Variants in TCF12 observed in about 807,000 individuals in gnomAD.
TCF12 encodes the protein DNA-binding protein HTF4.
In TCF12, 45 loss-of-function variants were observed where a neutral mutation model predicts 86.0. That is an observed-to-expected ratio of 0.52 (90% CI 0.41 to 0.67). The LOEUF is 0.67. Among genes scored for constraint, TCF12 ranks in the 30% least tolerant of loss-of-function variants. The pLI is 0.00. For synonymous variants in TCF12, 330 were observed against 299.6 expected (o/e 1.10, Z -1.05); for missense variants, 881 against 859.9 (o/e 1.02, Z -0.31).
intron 5 of TCF12, among the ~76,000 whole-genome samples, chr15:57,095,618 G>A (rs548485813): frequency 6.6e-6 from 1 of 152,170 alleles, no homozygotes; most frequent in East Asian, 1.9e-4. Flanking sequence ...ACCCTTAATT[G>A]TGTTCCTTTC....
At chr15:56,936,232 C>T (rs1377652903) in intron 3 of TCF12, among the ~76,000 whole-genome samples, 2 of 151,924 alleles carry the variant, frequency 1.3e-5, no homozygotes, top group East Asian at 1.9e-4. Flanking sequence ...TGATCATTAG[C>T]GATGTTGAGC....
chr15:57,142,149 T>G (rs1804630578), intron 5 of TCF12, among the ~76,000 whole-genome samples: 1 of 152,142 alleles, frequency 6.6e-6, no homozygotes, highest in Admixed American at 6.5e-5. Flanking sequence ...GTTGGCTATA[T>G]ACAGGGGAAT....
At chr15:57,290,318 G>A (rs2062056051), downstream of TCF12, among the ~76,000 whole-genome samples, 1 of 147,796 alleles carries the variant, frequency 6.8e-6, no homozygotes, top group South Asian at 2.2e-4. Context: ...ATTCCAGCCA[G>A]GGGAACAAGA....
At chr15:57,089,332 A>G (rs2048840879) in intron 4 of TCF12, among the ~76,000 whole-genome samples, 1 of 152,140 alleles carries the variant, frequency 6.6e-6, no homozygotes, top group Non-Finnish European at 1.5e-5. Context: ...AATCTCAGTA[A>G]ATAGGTATTG....
intron 5 of TCF12, among the ~76,000 whole-genome samples, chr15:57,122,114 A>AAC (rs1284120518): frequency 2.7e-4 from 40 of 148,632 alleles, no homozygotes; most frequent in Admixed American, 1.3e-3. Context: ...AAAAAAAAAA[A>AAC]CCACCCCCAA....
At chr15:57,122,960 A>G (rs762108377) in intron 5 of TCF12, among the ~76,000 whole-genome samples, 11 of 152,242 alleles carry the variant, frequency 7.2e-5, no homozygotes, top group Non-Finnish European at 1.2e-4. Context: ...AAATAATTTA[A>G]TGGAAAGGGG....
chr15:57,260,482 CTGT>C (rs1407925636), intron 16 of TCF12, among the ~76,000 whole-genome samples: 2 of 152,054 alleles, frequency 1.3e-5, no homozygotes, highest in Admixed American at 6.6e-5. Context: ...TTTTAGAAGG[CTGT>C]TTTTTAAATT....
chr15:57,048,338 T>G (rs905749704), intron 3 of TCF12, among the ~76,000 whole-genome samples: 2 of 152,182 alleles, frequency 1.3e-5, no homozygotes, highest in African/African-American at 4.8e-5. Flanking sequence ...CTCGGCTCAC[T>G]GTAAGCTCCG....
intron 5 of TCF12, among the ~76,000 whole-genome samples, chr15:57,122,917 A>G (rs1567467048): frequency 6.6e-6 from 1 of 152,240 alleles, no homozygotes; most frequent in African/African-American, 2.4e-5. Flanking sequence ...AAAATAGATA[A>G]GCAGAGCAGA....
At chr15:57,256,727 A>G (rs773240670) in intron 16 of TCF12, among the ~76,000 whole-genome samples, 4 of 152,128 alleles carry the variant, frequency 2.6e-5, no homozygotes, top group Non-Finnish European at 5.9e-5. Context: ...ATTTGGTACC[A>G]CCATATAGAA....
intron 5 of TCF12, among the ~76,000 whole-genome samples, chr15:57,116,427 C>G (rs2050841638): frequency 6.6e-6 from 1 of 152,094 alleles, no homozygotes; most frequent in Admixed American, 6.5e-5. Context: ...CTCATTGCAA[C>G]CTCTGCCTCC....
intron 12 of TCF12, among the ~76,000 whole-genome samples, chr15:57,242,549 C>G (rs1312021754): frequency 1.3e-5 from 2 of 152,122 alleles, no homozygotes; most frequent in South Asian, 2.1e-4. Context: ...CACTCGTAGT[C>G]TGAGCTACTA....
chr15:57,123,247 T>G (rs1283694644), intron 5 of TCF12, among the ~76,000 whole-genome samples: 3 of 152,224 alleles, frequency 2.0e-5, no homozygotes, highest in Non-Finnish European at 4.4e-5. Context: ...TGAATGAAAG[T>G]CTGAGGCTTT....
intron 3 of TCF12, among the ~76,000 whole-genome samples, chr15:57,022,849 C>T (rs1351578735): frequency 6.6e-6 from 1 of 152,084 alleles, no homozygotes; most frequent in Non-Finnish European, 1.5e-5. Context: ...CGTGGTCAGA[C>T]AGATCTTTTC....
At chr15:56,922,617 G>C (rs1366080166) in intron 3 of TCF12, among the ~76,000 whole-genome samples, 1 of 151,934 alleles carries the variant, frequency 6.6e-6, no homozygotes, top group Non-Finnish European at 1.5e-5. Flanking sequence ...TGATTATTTG[G>C]AGTAGGAACT....
intron 6 of TCF12, among the ~76,000 whole-genome samples, chr15:57,179,559 G>A (rs1353373780): frequency 6.6e-6 from 1 of 152,006 alleles, no homozygotes; most frequent in Non-Finnish European, 1.5e-5. Flanking sequence ...TTAAAGATTG[G>A]GCTGATTTCG....
rs532070014 is a variant in TCF12, at chr15:56,956,595, C to G, written c.148+35497C>G. Among the ~76,000 whole-genome samples the G allele has an allele frequency of 2.6e-5, 4 of 152,176 alleles. No homozygotes were observed. In the South Asian group the frequency reaches 6.2e-4, roughly 24 times the overall value. ...TCTGCTGGTAATGAATTCCTTTCAG[C>G]TTTTTCATGTCTGAAAATGCCTTTA... is the stretch of plus-strand genomic sequence containing the variant. On this transcript the variant is annotated intron_variant, in intron 3 of 20. Transcript: ENST00000333725.
intron 16 of TCF12, among the ~76,000 whole-genome samples, chr15:57,261,117 C>T (rs1403255405): frequency 2.0e-5 from 3 of 151,880 alleles, no homozygotes; most frequent in African/African-American, 7.3e-5. Flanking sequence ...TGATTATTAC[C>T]CAAGGGAGTA....
In TCF12 at chr15:57,253,286, G is replaced by C; in HGVS notation, c.1285G>C (p.Asp429His). ...CEQSRMEDRL[D>H]RLDDAIHVLR... ...GCAGTCTCGAATGGAGGATCGTTTA[G>C]ACAGACTGGATGATGCAATCCATGT... Residue 429 changes from aspartate (D) to histidine (H), a missense_variant, in exon 16 of 21, where the codon GAC becomes CAC. Asp to His is a moderately conservative substitution (Grantham distance 81). Coordinates refer to ENST00000333725, the MANE Select transcript of TCF12 (RefSeq NM_207037.2). 2 of 1,613,908 alleles carry C rather than the reference G, an allele frequency of 1.2e-6. No homozygotes were observed. Among genetic ancestry groups the C allele is most frequent in the Non-Finnish European group, 1.7e-6 (2 of 1,179,906 alleles).
Sources: gnomAD v4.1 joint callset for allele counts (sites outside exome capture counted in the v4.1 genomes callset) on GRCh38, gnomAD v4.1.1 for gene constraint, MANE v1.5 for transcripts, NCBI Gene and HGNC (gene_info 2026-07-23, HGNC 2026-07-21) for gene names.